Variants in TGOLN2 observed in about 807,000 individuals in gnomAD.
TGOLN2 encodes the protein trans-golgi network protein 2.
In TGOLN2, 19 loss-of-function variants were observed where a neutral mutation model predicts 31.3. The observed-to-expected ratio is 0.61, with a 90% CI of 0.42 to 0.89. The LOEUF (loss-of-function observed/expected upper bound fraction) is 0.89. Ranked by LOEUF, TGOLN2 falls within the 40% of genes least tolerant of loss-of-function variation. TGOLN2 has a pLI of 0.00. For synonymous variants in TGOLN2, 222 were observed against 226.7 expected (o/e 0.98, Z 0.19); for missense variants, 540 against 559.2 (o/e 0.97, Z 0.35).
Position 85,324,079 on chromosome 2 carries a change from C to T in TGOLN2, c.1308+836G>A, listed in dbSNP as rs116042701. Among the ~76,000 whole-genome samples, 499 of 152,264 alleles carry T rather than the reference C, an allele frequency of 3.3e-3. 3 individuals are homozygous for T. Among genetic ancestry groups the T allele is most frequent in the Non-Finnish European group, 4.5e-3 (306 of 68,018 alleles). ...GGGAGCACAGTCTAGCACTTTACCA[C>T]ACAAAGTGTGGATCCAGTGGCATTT... On this transcript the variant is annotated intron_variant, in intron 3 of 3. Coordinates refer to ENST00000377386, the MANE Select transcript of TGOLN2 (RefSeq NM_006464.4).
chr2:85,327,564 C>A lies in TGOLN2; in HGVS notation c.168G>T (p.Ser56=), dbSNP rs1214103794. ...LSQRPGGSTK[S]HPEPQTPKDS... ...CTTTTGGAGTCTGCGGCTCCGGATG[C>A]GACTTGGTAGAGCCTCCAGGCCGTT... The change falls in exon 2 of 4, where the codon TCG becomes TCT. Residue 56 remains serine, a synonymous_variant. Coordinates refer to ENST00000377386, the MANE Select transcript of TGOLN2 (RefSeq NM_006464.4). 2 of 1,614,058 alleles carry A rather than the reference C, an allele frequency of 1.2e-6. No individual in the cohort carries two copies. Among genetic ancestry groups the A allele is most frequent in the South Asian group, 2.2e-5 (2 of 91,084 alleles).
rs1682773171 is a variant in TGOLN2 at position 85,327,174 on chromosome 2, G to A, written c.558C>T (p.Gly186=). The A allele has an allele frequency of 6.3e-7, 1 of 1,599,936 alleles. No homozygotes were observed. The highest frequency in any genetic ancestry group is 1.4e-5 in the African/African-American group (1 of 70,662). The change falls in exon 2 of 4, where the codon GGC becomes GGT. Residue 186 remains glycine, a synonymous_variant. Coordinates refer to ENST00000377386, the MANE Select transcript of TGOLN2 (RefSeq NM_006464.4). ...KDVPNKSGAD[G]QTPKDGSSKS... Reference sequence around the variant, plus strand: ...TGCTGGAGCCGTCTTTTGGGGTCTGGCCGTCCGCACCCGACTTATTAGGGA... The same window carrying A: ...TGCTGGAGCCGTCTTTTGGGGTCTGACCGTCCGCACCCGACTTATTAGGGA...
rs565653551 is a variant in TGOLN2, at chr2:85,319,818, T to C, written c.*2918A>G. 4.5e-4 allele frequency: 69 copies of C among 152,330 alleles called. 1 individual carries two copies. Among genetic ancestry groups the C allele is most frequent in the African/African-American group, 1.6e-3 (68 of 41,572 alleles). The allele number at this position is 152,330 out of a possible 1,614,324, so 9.4% of individuals were successfully genotyped here. A position where few individuals can be genotyped will look rare whatever the true frequency, so the allele number is the denominator to read the frequency against. On this transcript the variant is annotated 3_prime_UTR_variant, in exon 4 of 4. Coordinates refer to ENST00000377386, the MANE Select transcript of TGOLN2 (RefSeq NM_006464.4). ...AAGGAAGGTCACCATGATCAGCAGATAGGAAAGCATTGCCAAGGGCTGTCC... is the reference window on the plus strand; with the variant it reads ...AAGGAAGGTCACCATGATCAGCAGACAGGAAAGCATTGCCAAGGGCTGTCC...
chr2:85,327,364 G>C lies in TGOLN2; in HGVS notation c.368C>G (p.Thr123Ser), dbSNP rs553348456. 6.2e-7 allele frequency: 1 copy of C among 1,613,210 alleles called. No individual in the cohort carries two copies. Among genetic ancestry groups the C allele is most frequent in the South Asian group, 1.1e-5 (1 of 91,042 alleles). Residue 123 changes from threonine (T) to serine (S), a missense_variant, in exon 2 of 4, where the codon ACT becomes AGT. Physicochemically the swap from Thr to Ser is moderately conservative, Grantham distance 58. Transcript: ENST00000377386. ...GSEAQTTKDSTSKSHPELQTP... is the reference protein window; with the variant it reads ...GSEAQTTKDSSSKSHPELQTP... Reference sequence around the variant, plus strand: ...CTGCAGCTCCGGATGCGACTTACTAGTGCTGTCTTTTGTGGTCTGCGCCTC... The same window carrying C: ...CTGCAGCTCCGGATGCGACTTACTACTGCTGTCTTTTGTGGTCTGCGCCTC...
chr2:85,325,480 C>CT (rs984810839), intron 2 of TGOLN2, among the ~76,000 whole-genome samples: 35 of 148,900 alleles, frequency 2.4e-4, no homozygotes, highest in Non-Finnish European at 2.7e-4. Context: ...AAGAAATACA[C>CT]TTTTTTTTTT....
Position 85,326,651 on chromosome 2 carries a change from CCGAAA to C in TGOLN2, c.1076_1080del (p.Leu359ArgfsTer5). ...TCATCCTTCTCGCTACCCGTGGAAT[CCGAAA>C]GTGTCCCTTCACGGTTCTCACTGGA... is the stretch of plus-strand genomic sequence containing the variant. On this transcript the variant is annotated frameshift_variant, in exon 2 of 4. Coordinates refer to ENST00000377386, the MANE Select transcript of TGOLN2 (RefSeq NM_006464.4). LOFTEE classifies it high-confidence loss of function. The C allele has an allele frequency of 6.2e-7, 1 of 1,614,044 alleles. No homozygotes were observed. The highest frequency in any genetic ancestry group is 8.5e-7 in the Non-Finnish European group (1 of 1,179,896).
chr2:85,324,550 C>A, intron 3 of TGOLN2: 1 of 353,770 alleles, frequency 2.8e-6, no homozygotes, highest in South Asian at 7.4e-5. Flanking sequence ...TGGCAGAATG[C>A]AGAAAGCTCA....
At chr2:85,324,692 G>T in intron 3 of TGOLN2, 1 of 594,874 alleles carries the variant, frequency 1.7e-6, no homozygotes. Context: ...GGAGGTAGCT[G>T]CTGTAGAGTA....
rs765738828 is a variant in TGOLN2, at chr2:85,327,974, A to G, written c.-12T>C. On this transcript the variant is annotated 5_prime_UTR_variant, in exon 1 of 4. Coordinates refer to ENST00000377386, the MANE Select transcript of TGOLN2 (RefSeq NM_006464.4). ...ACCACGAACCGCATCCTGCTCGGAT[A>G]GCGCTTCCGCCCTCTAATGCTCTCG... 13 of 1,583,494 alleles carry G rather than the reference A, an allele frequency of 8.2e-6. No individual in the cohort carries two copies. Among genetic ancestry groups the G allele is most frequent in the Middle Eastern group, 2.0e-4 (1 of 5,022 alleles).
In TGOLN2 at chr2:85,318,929, A is replaced by G. The variant is rs1053561; in HGVS notation, c.*3807T>C. ...TATGACTGAAGCACAGATGTGTCTA[A>G]TAGAAATCACCCTTCACCCAAAAGC... On this transcript the variant is annotated 3_prime_UTR_variant, in exon 4 of 4. Transcript: ENST00000377386. 0.56 allele frequency: 84,761 copies of G among 152,004 alleles called. 24,164 individuals are homozygous for G. Among genetic ancestry groups the G allele is most frequent in the East Asian group, 0.87 (4,524 of 5,174 alleles). 9.4% of individuals were successfully genotyped at this position (152,004 alleles called of 1,614,324 possible).
At position 85,326,737 on chromosome 2, in the gene TGOLN2, CCTGTA is replaced by C. The variant is rs1682746300; in HGVS notation, c.990_994del (p.Asp330GlufsTer22). The C allele has an allele frequency of 1.9e-6, 3 of 1,613,908 alleles. No individual in the cohort carries two copies. In the South Asian group the frequency reaches 3.3e-5, roughly 18 times the overall value. The stretch of plus-strand genomic sequence containing the variant: ...TTTGGGCGGTGAGCCCTCCTCGGGT[CCTGTA>C]TCATCATCTTCAGCCTCTTTGGGCT... On this transcript the variant is annotated frameshift_variant, in exon 2 of 4. Coordinates refer to ENST00000377386, the MANE Select transcript of TGOLN2 (RefSeq NM_006464.4). LOFTEE classifies it high-confidence loss of function.
Position 85,327,692 on chromosome 2 carries a change from T to C in TGOLN2, c.47-7A>G, listed in dbSNP as rs529021130. 1.0e-5 allele frequency: 16 copies of C among 1,600,116 alleles called. No individual in the cohort carries two copies. Among genetic ancestry groups the C allele is most frequent in the South Asian group, 7.7e-5 (7 of 90,794 alleles). ...GCCAAGAGCGGCACGGCTCCTGAAA[T>C]AGAAAAACGAGTTAGCACCGGAGAA... On this transcript the variant is annotated splice_polypyrimidine_tract_variant and splice_region_variant and intron_variant, in intron 1 of 3. Transcript: ENST00000377386.
At chr2:85,322,770 T>C in intron 3 of TGOLN2, 29 bp from the exon 4 acceptor site, 1 of 1,607,776 alleles carries the variant, frequency 6.2e-7, no homozygotes, top group South Asian at 1.1e-5. Flanking sequence ...TTTTAGGAGG[T>C]GCAGGGAAAA....
intron 3 of TGOLN2, chr2:85,324,549 G>A: frequency 2.8e-6 from 1 of 354,564 alleles, no homozygotes; most frequent in East Asian, 4.6e-5. Context: ...CTGGCAGAAT[G>A]CAGAAAGCTC....
At position 85,318,683 on chromosome 2, in the gene TGOLN2, G is replaced by A. The variant is rs939816736; in HGVS notation, c.*4053C>T. 3.3e-5 allele frequency: 5 copies of A among 152,266 alleles called. No individual in the cohort carries two copies. The highest frequency in any genetic ancestry group is 1.2e-4 in the African/African-American group (5 of 41,448). 9.4% of individuals were successfully genotyped at this position (152,266 alleles called of 1,614,324 possible). ...CAACGGCCATAGAAGTCGCCAGCAG[G>A]GAAATTCCAGAGGTTTAGAATTCTA... On this transcript the variant is annotated 3_prime_UTR_variant, in exon 4 of 4. Coordinates refer to ENST00000377386, the MANE Select transcript of TGOLN2 (RefSeq NM_006464.4).
intron 3 of TGOLN2, among the ~76,000 whole-genome samples, chr2:85,324,202 C>T (rs1014991347): frequency 2.6e-5 from 4 of 152,110 alleles, no homozygotes; most frequent in Non-Finnish European, 4.4e-5. Context: ...GCGGGCGGAT[C>T]ACCTGAGGTT....
intron 3 of TGOLN2, among the ~76,000 whole-genome samples, chr2:85,323,808 T>A (rs1305712902): frequency 6.6e-6 from 1 of 152,220 alleles, no homozygotes; most frequent in Non-Finnish European, 1.5e-5. Context: ...GTCCTGGCTG[T>A]TGCTATGCTG....
rs1682509776 is a variant in TGOLN2, at chr2:85,320,505, C to T, written c.*2231G>A. 2 of 152,046 alleles carry T rather than the reference C, an allele frequency of 1.3e-5. No individual in the cohort carries two copies. The highest frequency in any genetic ancestry group is 2.9e-5 in the Non-Finnish European group (2 of 68,018). The allele number at this position is 152,046 out of a possible 1,614,324, so 9.4% of individuals were successfully genotyped here. A position where few individuals can be genotyped will look rare whatever the true frequency, so the allele number is the denominator to read the frequency against. ...GAGAGAGAAAAAGGGCAAAAGTCTG[C>T]AGTTAGGAATTTAGGTGACCGAAGA... On this transcript the variant is annotated 3_prime_UTR_variant, in exon 4 of 4. Transcript: ENST00000377386.
At position 85,326,916 on chromosome 2, in the gene TGOLN2, G is replaced by C. The variant is rs1175152807; in HGVS notation, c.816C>G (p.Asn272Lys). The C allele has an allele frequency of 1.9e-6, 3 of 1,613,994 alleles. No homozygotes were observed. The highest frequency in any genetic ancestry group is 1.7e-6 in the Non-Finnish European group (2 of 1,179,906). ...HSKPISNPSD[N>K]KELPKADTNQ... ...TTGTGTCAGCCTTGGGGAGCTCCTTGTTATCAGAAGGGTTGGAGATGGGCT... is the reference window on the plus strand; with the variant it reads ...TTGTGTCAGCCTTGGGGAGCTCCTTCTTATCAGAAGGGTTGGAGATGGGCT... The change falls in exon 2 of 4, where the codon AAC becomes AAG. Residue 272 changes from asparagine (N) to lysine (K), a missense_variant. By Grantham distance (94) the Asn-to-Lys change is moderately conservative. Coordinates refer to ENST00000377386, the MANE Select transcript of TGOLN2 (RefSeq NM_006464.4).
Sources: allele counts gnomAD v4.1 joint callset (sites outside exome capture counted in the v4.1 genomes callset), GRCh38; gene constraint gnomAD v4.1.1; transcripts MANE v1.5; gene names NCBI Gene and HGNC (gene_info 2026-07-23, HGNC 2026-07-21).